Variants in PEX13 observed in about 807,000 individuals in gnomAD.
The protein encoded by PEX13 is peroxisomal biogenesis factor 13.
Under a neutral mutation model 34.5 loss-of-function variants are expected in PEX13, and 28 were observed. The ratio of observed to expected loss-of-function variants is 0.81; its 90% confidence interval spans 0.60 to 1.11. The LOEUF is 1.11. Among genes scored for constraint, PEX13 ranks in the 50% most tolerant of loss-of-function variants. The probability of loss-of-function intolerance (pLI) is 0.00; values close to 1 mark genes in which losing one functional copy is unlikely to be tolerated. For missense variants in PEX13, 550 were observed against 491.0 expected (o/e 1.12, Z -1.13); for synonymous variants, 177 against 175.1 (o/e 1.01, Z -0.09).
At position 61,045,862 on chromosome 2, in the gene PEX13, A is replaced by G. The variant is rs745381399; in HGVS notation, c.913+11A>G. The G allele has an allele frequency of 3.1e-6, 5 of 1,605,944 alleles. No homozygotes were observed. The South Asian group carries it at 3.3e-5, about 11-fold the overall frequency. ...ACTTAGCTCTCAAAGGTAATAAATT[A>G]TGAATAAGTTGGAATTATCTGTAAA... On this transcript the variant is annotated intron_variant, in intron 3 of 3. Transcript: ENST00000295030.
intron 1 of PEX13, among the ~76,000 whole-genome samples, chr2:61,023,224 C>G (rs926680349): frequency 2.0e-5 from 3 of 152,130 alleles, no homozygotes; most frequent in African/African-American, 7.2e-5. Context: ...AGGCTGGTCT[C>G]GAACTCCTGG....
At chr2:61,034,009 C>G (rs919140585) in intron 2 of PEX13, among the ~76,000 whole-genome samples, 3 of 150,692 alleles carry the variant, frequency 2.0e-5, no homozygotes, top group Non-Finnish European at 4.4e-5. Context: ...TGTTTTTTTT[C>G]TTCGGGAGAC....
At chr2:61,027,188 AAAAG>A (rs1163486166) in intron 1 of PEX13, among the ~76,000 whole-genome samples, 1 of 151,662 alleles carries the variant, frequency 6.6e-6, no homozygotes, top group Non-Finnish European at 1.5e-5. Context: ...AAAAAAAAAA[AAAAG>A]GCAGGCATGG....
intron 1 of PEX13, among the ~76,000 whole-genome samples, chr2:61,025,481 C>T (rs1680339034): frequency 6.6e-6 from 1 of 152,086 alleles, no homozygotes; most frequent in African/African-American, 2.4e-5. Context: ...GCTTCAGCCA[C>T]CTGAGTAGCT....
At chr2:61,041,451 A>G (rs1293788738) in intron 2 of PEX13, among the ~76,000 whole-genome samples, 2 of 152,222 alleles carry the variant, frequency 1.3e-5, no homozygotes, top group Admixed American at 6.5e-5. Flanking sequence ...TATTATTGCT[A>G]CATTATGGAG....
At chr2:61,044,301 A>C (rs1406064423) in intron 2 of PEX13, among the ~76,000 whole-genome samples, 4 of 151,092 alleles carry the variant, frequency 2.6e-5, no homozygotes, top group Non-Finnish European at 5.9e-5. Context: ...ACAGGGCCTC[A>C]CTCAGTTGCC....
At chr2:61,043,350 A>C (rs1432763329) in intron 2 of PEX13, among the ~76,000 whole-genome samples, 5 of 152,016 alleles carry the variant, frequency 3.3e-5, no homozygotes, top group African/African-American at 4.8e-5. Flanking sequence ...AAAAAAAAAA[A>C]AACAAATTTT....
chr2:61,039,892 A>G (rs184665551), intron 2 of PEX13, among the ~76,000 whole-genome samples: 8 of 152,332 alleles, frequency 5.3e-5, no homozygotes, highest in African/African-American at 1.9e-4. Flanking sequence ...AAACAAATTT[A>G]CAAGAAAAAA....
rs78535053 is a variant in PEX13 at position 61,047,853 on chromosome 2, T to C, written c.914-619T>C. On this transcript the variant is annotated intron_variant, in intron 3 of 3. Transcript: ENST00000295030. ...CAGCTTTTTAAAGATATAGATAAAA[T>C]AGGAAAATACAATAGAAAATTGAGT... Among the ~76,000 whole-genome samples the C allele has an allele frequency of 3.7e-4, 56 of 152,292 alleles. No homozygotes were observed. In the East Asian group the frequency reaches 0.011, roughly 29 times the overall value.
intron 2 of PEX13, among the ~76,000 whole-genome samples, chr2:61,037,251 A>C (rs928378751): frequency 7.2e-5 from 11 of 152,184 alleles, no homozygotes; most frequent in Admixed American, 3.9e-4. Context: ...ACTTGAACTC[A>C]CCTCTGGACC....
rs1000858616 is a variant in PEX13 at position 61,050,207 on chromosome 2, C to A, written c.*1437C>A. 1 of 152,214 alleles carries A rather than the reference C, an allele frequency of 6.6e-6. No individual in the cohort carries two copies. The highest frequency in any genetic ancestry group is 1.5e-5 in the Non-Finnish European group (1 of 68,042). 9.4% of individuals were successfully genotyped at this position (152,214 alleles called of 1,614,324 possible). A position where few individuals can be genotyped will look rare whatever the true frequency, so the allele number is the denominator to read the frequency against. On this transcript the variant is annotated 3_prime_UTR_variant, in exon 4 of 4. Coordinates refer to ENST00000295030, the MANE Select transcript of PEX13 (RefSeq NM_002618.4). ...CCTGGCCAACACGGTGAAACCCTGT[C>A]TCTACTAAAAATACGAAAATTAGCT...
intron 1 of PEX13, among the ~76,000 whole-genome samples, chr2:61,029,832 GA>G (rs879899126): frequency 9.9e-5 from 14 of 141,180 alleles, no homozygotes; most frequent in East Asian, 6.2e-4. Context: ...AAAGTATTCA[GA>G]AAAAAAAAAA....
intron 1 of PEX13, among the ~76,000 whole-genome samples, chr2:61,027,168 A>G (rs1361583250): frequency 6.6e-6 from 1 of 150,444 alleles, no homozygotes; most frequent in East Asian, 1.9e-4. Context: ...TACAAAAAAT[A>G]TCAAAAAGAA....
At chr2:61,032,263 T>A in intron 2 of PEX13, 150 bp downstream of exon 2, 2 of 651,406 alleles carry the variant, frequency 3.1e-6, no homozygotes, top group Admixed American at 5.5e-5. Context: ...GAGGAATATA[T>A]AGCAAAAATA....
intron 3 of PEX13, among the ~76,000 whole-genome samples, chr2:61,047,915 CTTTA>C (rs1487007860): frequency 2.6e-5 from 4 of 152,066 alleles, no homozygotes; most frequent in African/African-American, 7.3e-5. Context: ...AGAGTATTGC[CTTTA>C]TTTATCATAT....
chr2:61,038,343 G>T (rs558479110), intron 2 of PEX13, among the ~76,000 whole-genome samples: 66 of 152,290 alleles, frequency 4.3e-4, no homozygotes, highest in African/African-American at 1.5e-3. Context: ...GAACATCAAT[G>T]TAAAAATCCT....
intron 1 of PEX13, among the ~76,000 whole-genome samples, chr2:61,030,468 G>T (rs372000425): frequency 1.3e-5 from 2 of 152,018 alleles, no homozygotes; most frequent in Admixed American, 1.3e-4. Context: ...TTTTTTTATG[G>T]TGATTTTGCT....
chr2:61,035,184 G>T lies in PEX13; in HGVS notation c.787+3071G>T, dbSNP rs370267899. Among the ~76,000 whole-genome samples the T allele has an allele frequency of 1.1e-4, 16 of 152,306 alleles. No individual in the cohort carries two copies. In the East Asian group the frequency reaches 2.9e-3, roughly 28 times the overall value. On this transcript the variant is annotated intron_variant, in intron 2 of 3. Transcript: ENST00000295030. The stretch of plus-strand genomic sequence containing the variant: ...TGCTGGTGATACCCAGGCAAACAGG[G>T]TCTGGAGTGGACCTCCAGCAAACTC...
intron 2 of PEX13, among the ~76,000 whole-genome samples, chr2:61,034,044 T>G (rs576733256): frequency 6.6e-6 from 1 of 152,278 alleles, no homozygotes; most frequent in South Asian, 2.1e-4. Context: ...TCACCCAGGC[T>G]GGAGTGCAGT....
Sources: gnomAD v4.1 joint callset for allele counts (sites outside exome capture counted in the v4.1 genomes callset) on GRCh38, gnomAD v4.1.1 for gene constraint, MANE v1.5 for transcripts, NCBI Gene and HGNC (gene_info 2026-07-23, HGNC 2026-07-21) for gene names.